DPYSL2: variants seen among roughly 807,000 people sequenced by gnomAD.
DPYSL2 encodes dihydropyrimidinase-related protein 2.
In DPYSL2, 13 loss-of-function variants were observed where a neutral mutation model predicts 69.9. The observed-to-expected ratio is 0.19, with a 90% CI of 0.12 to 0.30. The LOEUF (loss-of-function observed/expected upper bound fraction) is 0.30. Among genes scored for constraint, DPYSL2 ranks in the 10% least tolerant of loss-of-function variants. The probability of loss-of-function intolerance (pLI) is 1.00; values close to 1 mark genes in which losing one functional copy is unlikely to be tolerated. For missense variants in DPYSL2, 587 were observed against 918.9 expected (o/e 0.64, Z 4.67); for synonymous variants, 326 against 359.1 (o/e 0.91, Z 1.04).
At chr8:26,635,436 C>T (rs570451213) in intron 8 of DPYSL2, among the ~76,000 whole-genome samples, 16 of 152,308 alleles carry the variant, frequency 1.1e-4, no homozygotes, top group African/African-American at 3.4e-4. Context: ...AGGGTGTCCA[C>T]TGTAACTAAC....
At chr8:26,561,801 A>T (rs754006193) in intron 1 of DPYSL2, among the ~76,000 whole-genome samples, 29 of 152,170 alleles carry the variant, frequency 1.9e-4, no homozygotes, top group Non-Finnish European at 4.1e-4. Context: ...TCGAGCTCCT[A>T]TGAAGATCTA....
Position 26,621,107 on chromosome 8 carries a change from C to T in DPYSL2, c.629-3036C>T, listed in dbSNP as rs953885393. 6.6e-6 allele frequency among the ~76,000 whole-genome samples: 1 copy of T among 151,908 alleles called. No individual in the cohort carries two copies. Among genetic ancestry groups the T allele is most frequent in the African/African-American group, 2.4e-5 (1 of 41,332 alleles). On this transcript the variant is annotated intron_variant, in intron 3 of 13. Transcript: ENST00000521913. This position sits in a 1 kb window ranked among gnomAD's most constrained non-coding sequence, Gnocchi z 4.9. ...TTGTATTTTATGTATCTCTATAAAC[C>T]ACTTTAAAACTTTTTGGGGGAAGAA...
chr8:26,579,447 G>C (rs1214209425), intron 1 of DPYSL2, among the ~76,000 whole-genome samples: 3 of 152,258 alleles, frequency 2.0e-5, no homozygotes, highest in Non-Finnish European at 4.4e-5. Context: ...CAACCGGCCA[G>C]CTGATTCCCG....
chr8:26,632,815 A>G (rs1802809626), intron 7 of DPYSL2, among the ~76,000 whole-genome samples: 1 of 152,176 alleles, frequency 6.6e-6, no homozygotes, highest in South Asian at 2.1e-4. Flanking sequence ...CTGTAAGTGG[A>G]GAGAGAGGGC....
chr8:26,541,069 T>C (rs376646684), intron 1 of DPYSL2, among the ~76,000 whole-genome samples: 2 of 152,276 alleles, frequency 1.3e-5, no homozygotes, highest in South Asian at 4.1e-4. Flanking sequence ...CAAAACACCA[T>C]GTTGGGAATC....
intron 1 of DPYSL2, among the ~76,000 whole-genome samples, chr8:26,555,515 A>G (rs1394185719): frequency 6.6e-6 from 1 of 152,160 alleles, no homozygotes; most frequent in Non-Finnish European, 1.5e-5. Context: ...ACACCAAAAA[A>G]ATTAGATATA....
rs1016614419 is a variant in DPYSL2, at chr8:26,647,196, A to T, written c.1426-434A>T. Among the ~76,000 whole-genome samples, 2 of 152,196 alleles carry T rather than the reference A, an allele frequency of 1.3e-5. No individual in the cohort carries two copies. Among genetic ancestry groups the T allele is most frequent in the African/African-American group, 4.8e-5 (2 of 41,430 alleles). On this transcript the variant is annotated intron_variant, in intron 10 of 13. Transcript: ENST00000521913. The surrounding 1 kb of genome is among the most constrained non-coding windows in gnomAD (Gnocchi z 5.1). ...GGGTACCCTTCACCCAGTTTCCCTC[A>T]TGGTTACATCTTATATAAATGTAGA...
intron 3 of DPYSL2, among the ~76,000 whole-genome samples, chr8:26,613,198 T>C (rs1346807647): frequency 6.6e-6 from 1 of 152,234 alleles, no homozygotes; most frequent in African/African-American, 2.4e-5. Context: ...AAGCCCAAGA[T>C]ACATCTGCGA....
Position 26,562,806 on chromosome 8 carries a change from C to T in DPYSL2, c.355-19163C>T, listed in dbSNP as rs547341063. Among the ~76,000 whole-genome samples, 9 of 152,254 alleles carry T rather than the reference C, an allele frequency of 5.9e-5. No individual in the cohort carries two copies. The South Asian group carries it at 6.2e-4, about 11-fold the overall frequency. On this transcript the variant is annotated intron_variant, in intron 1 of 13. Coordinates refer to ENST00000521913, the MANE Select transcript of DPYSL2 (RefSeq NM_001197293.3). The surrounding 1 kb of genome is among the most constrained non-coding windows in gnomAD (Gnocchi z 4.9). Reference sequence around the variant, plus strand: ...GTCTCTGCTCCACGATGTCTAGGGCCGTATCTGGGAAAACTTGAATGGCTT... The same window carrying T: ...GTCTCTGCTCCACGATGTCTAGGGCTGTATCTGGGAAAACTTGAATGGCTT...
chr8:26,595,438 C>G (rs1801837472), intron 3 of DPYSL2, among the ~76,000 whole-genome samples: 1 of 152,084 alleles, frequency 6.6e-6, no homozygotes, highest in South Asian at 2.1e-4. Flanking sequence ...CTCTTGCTAT[C>G]TTTGAATTTT....
chr8:26,644,190 G>C lies in DPYSL2; in HGVS notation c.1425+99G>C. ...CATGGAGGCCTTGAAATGACAGACA[G>C]TGGAGGACATCCTAGAAGCCAGTAC... On this transcript the variant is annotated intron_variant, in intron 10 of 13. Transcript: ENST00000521913. This position sits in a 1 kb window ranked among gnomAD's most constrained non-coding sequence, Gnocchi z 4.5. 1 of 1,434,638 alleles carries C rather than the reference G, an allele frequency of 7.0e-7. No homozygotes were observed. The highest frequency in any genetic ancestry group is 9.4e-7 in the Non-Finnish European group (1 of 1,067,666). 88.9% of individuals were successfully genotyped at this position (1,434,638 alleles called of 1,614,324 possible). A position where few individuals can be genotyped will look rare whatever the true frequency, so the allele number is the denominator to read the frequency against.
intron 1 of DPYSL2, among the ~76,000 whole-genome samples, chr8:26,567,996 C>T (rs568959003): frequency 7.9e-5 from 12 of 152,328 alleles, no homozygotes; most frequent in Admixed American, 5.9e-4. Context: ...ACTCATTCCT[C>T]CACTGGTTTG....
Position 26,640,168 on chromosome 8 carries a change from A to G in DPYSL2, c.1127-3271A>G, listed in dbSNP as rs191998425. On this transcript the variant is annotated intron_variant, in intron 8 of 13. Transcript: ENST00000521913. This position sits in a 1 kb window ranked among gnomAD's most constrained non-coding sequence, Gnocchi z 4.2. Reference sequence around the variant, plus strand: ...TTCTCGTCCATGGGAAATGACTGCCAGAGCTGGGAGCTATCAAGCATATTT... The same window carrying G: ...TTCTCGTCCATGGGAAATGACTGCCGGAGCTGGGAGCTATCAAGCATATTT... 9.2e-5 allele frequency among the ~76,000 whole-genome samples: 14 copies of G among 152,364 alleles called. No individual in the cohort carries two copies. The highest frequency in any genetic ancestry group is 6.5e-5 in the Admixed American group (1 of 15,310).
intron 1 of DPYSL2, among the ~76,000 whole-genome samples, chr8:26,540,312 A>G (rs1800658300): frequency 6.6e-6 from 1 of 152,202 alleles, no homozygotes; most frequent in African/African-American, 2.4e-5. Flanking sequence ...ATTTAATACT[A>G]TTTAGTCAGA....
At chr8:26,639,802 A>G (rs62493397) in intron 8 of DPYSL2, among the ~76,000 whole-genome samples, 14,021 of 151,878 alleles carry the variant, frequency 0.092, 739 homozygotes, top group South Asian at 0.14. Context: ...CATGCCCTGT[A>G]CTCTCCTCTT....
chr8:26,528,316 G>C lies in DPYSL2; in HGVS notation c.354+13637G>C, dbSNP rs548061406. Among the ~76,000 whole-genome samples, 19 of 152,262 alleles carry C rather than the reference G, an allele frequency of 1.2e-4. 1 individual carries two copies. The South Asian group carries it at 3.7e-3, about 30-fold the overall frequency. ...TTGTTTCAAAATGCACCTGGGATCAGGTATGGTGAGACACACAGATATGTA... is the reference window on the plus strand; with the variant it reads ...TTGTTTCAAAATGCACCTGGGATCACGTATGGTGAGACACACAGATATGTA... On this transcript the variant is annotated intron_variant, in intron 1 of 13. Transcript: ENST00000521913.
intron 1 of DPYSL2, among the ~76,000 whole-genome samples, chr8:26,578,740 C>T (rs1269963080): frequency 6.6e-6 from 1 of 152,154 alleles, no homozygotes; most frequent in Non-Finnish European, 1.5e-5. Flanking sequence ...TCCGCCCCCA[C>T]CCAAAAAGGG....
At position 26,634,765 on chromosome 8, in the gene DPYSL2, G is replaced by C; in HGVS notation, c.1006-15G>C. The C allele has an allele frequency of 6.2e-7, 1 of 1,614,050 alleles. No individual in the cohort carries two copies. Among genetic ancestry groups the C allele is most frequent in the East Asian group, 2.2e-5 (1 of 44,876 alleles). On this transcript the variant is annotated splice_polypyrimidine_tract_variant and intron_variant, in intron 7 of 13. Transcript: ENST00000521913. ...GGGCTGAGCCACATTCTCATGCTCT[G>C]CTGCTGTTTTGCAGGTCGAGGCCGA...
At chr8:26,603,392 C>T (rs1339553749) in intron 3 of DPYSL2, among the ~76,000 whole-genome samples, 6 of 152,140 alleles carry the variant, frequency 3.9e-5, no homozygotes, top group Admixed American at 6.5e-5. Context: ...AGGCTGGTCT[C>T]GAACTCCTGA....
Sources: gnomAD v4.1 joint callset for allele counts (sites outside exome capture counted in the v4.1 genomes callset) on GRCh38, gnomAD v4.1.1 for gene constraint, Gnocchi (gnomAD v3.1) non-coding constraint, MANE v1.5 for transcripts, NCBI Gene and HGNC (gene_info 2026-07-23, HGNC 2026-07-21) for gene names.